The following PDE6B variants were observed in gnomAD, a reference collection of about 807,000 sequenced individuals.
PDE6B encodes the protein rod cGMP-specific 3',5'-cyclic phosphodiesterase subunit beta.
Under a neutral mutation model 109.0 loss-of-function variants are expected in PDE6B, and 106 were observed. The observed-to-expected ratio is 0.97, with a 90% CI of 0.83 to 1.14. The LOEUF (loss-of-function observed/expected upper bound fraction) is 1.14, where lower values mean the gene tolerates loss of function less well. Among genes scored for constraint, PDE6B ranks in the 50% most tolerant of loss-of-function variants. PDE6B has a pLI of 0.00. For synonymous variants in PDE6B, 490 were observed against 471.3 expected (o/e 1.04, Z -0.51); for missense variants, 1,193 against 1,155.6 (o/e 1.03, Z -0.47).
intron 3 of PDE6B, among the ~76,000 whole-genome samples, chr4:645,495 C>T (rs1033466655): frequency 6.6e-6 from 1 of 151,620 alleles, no homozygotes; most frequent in East Asian, 1.9e-4. Context: ...CGGGGTTTCA[C>T]CGTGTTAGCC....
In PDE6B at chr4:633,033, G is replaced by A. The variant is rs1034926890; in HGVS notation, c.469-1644G>A. 2.0e-5 allele frequency among the ~76,000 whole-genome samples: 3 copies of A among 152,128 alleles called. No homozygotes were observed. The highest frequency in any genetic ancestry group is 7.2e-5 in the African/African-American group (3 of 41,410). ...AATTCATCAGGGAGCACACATGGTG[G>A]CCACTGTAGCACTGACGGCTGGTGG... On this transcript the variant is annotated intron_variant, in intron 1 of 21. Transcript: ENST00000496514. This position sits in a 1 kb window ranked among gnomAD's most constrained non-coding sequence, Gnocchi z 4.5.
chr4:636,241 C>T lies in PDE6B; in HGVS notation c.711+272C>T, dbSNP rs1734673282. ...AAAGGGGCACCTTTCCTAGAGGCTG[C>T]CCCCAACCTCCTTGGGAGAAGCCAG... On this transcript the variant is annotated intron_variant, in intron 3 of 21. Coordinates refer to ENST00000496514, the MANE Select transcript of PDE6B (RefSeq NM_000283.4). This position sits in a 1 kb window ranked among gnomAD's most constrained non-coding sequence, Gnocchi z 4.5. Among the ~76,000 whole-genome samples the T allele has an allele frequency of 6.6e-6, 1 of 152,224 alleles. No homozygotes were observed. Among genetic ancestry groups the T allele is most frequent in the African/African-American group, 2.4e-5 (1 of 41,468 alleles).
At position 658,938 on chromosome 4, in the gene PDE6B, G is replaced by T. The variant is rs781181140; in HGVS notation, c.1402-14G>T. 6.2e-7 allele frequency: 1 copy of T among 1,603,070 alleles called. No homozygotes were observed. The highest frequency in any genetic ancestry group is 1.1e-5 in the South Asian group (1 of 90,922). On this transcript the variant is annotated splice_polypyrimidine_tract_variant and intron_variant, in intron 10 of 21. Transcript: ENST00000496514. Reference sequence around the variant, plus strand: ...CGAAGCTCTTTCTCGTGACACATCTGTGTCTCTGTGTAGCCAACCAGAGCG... The same window carrying T: ...CGAAGCTCTTTCTCGTGACACATCTTTGTCTCTGTGTAGCCAACCAGAGCG...
At position 633,369 on chromosome 4, in the gene PDE6B, A is replaced by G. The variant is rs1258570222; in HGVS notation, c.469-1308A>G. ...TCCTTCAATGCCAGCCCACATGGCTATGGGCAGCAGCTGTATCTCCAAGAA... is the reference window on the plus strand; with the variant it reads ...TCCTTCAATGCCAGCCCACATGGCTGTGGGCAGCAGCTGTATCTCCAAGAA... On this transcript the variant is annotated intron_variant, in intron 1 of 21. Transcript: ENST00000496514. The surrounding 1 kb of genome is among the most constrained non-coding windows in gnomAD (Gnocchi z 4.5). 6.6e-6 allele frequency among the ~76,000 whole-genome samples: 1 copy of G among 152,162 alleles called. No individual in the cohort carries two copies. The highest frequency in any genetic ancestry group is 2.4e-5 in the African/African-American group (1 of 41,448).
Position 664,185 on chromosome 4 carries a change from A to ACCTGT in PDE6B, c.2096_2100dup (p.Leu701CysfsTer14). ...CAGGACAAGAAGAGCTGGGTGGAGT[A>ACCTGT]CCTGTCCCTGGAGACGACCCGGAAG... On this transcript the variant is annotated frameshift_variant, in exon 17 of 22. Coordinates refer to ENST00000496514, the MANE Select transcript of PDE6B (RefSeq NM_000283.4). LOFTEE classifies it high-confidence loss of function. The ACCTGT allele has an allele frequency of 6.2e-7, 1 of 1,610,672 alleles. No homozygotes were observed. The highest frequency in any genetic ancestry group is 8.5e-7 in the Non-Finnish European group (1 of 1,177,268).
chr4:643,233 G>A (rs527470638), intron 3 of PDE6B, among the ~76,000 whole-genome samples: 5 of 152,126 alleles, frequency 3.3e-5, no homozygotes, highest in South Asian at 2.1e-4. Flanking sequence ...ACTTGAACCC[G>A]GGAAGTGGAG....
At chr4:668,712 T>G in intron 21 of PDE6B, among the ~76,000 whole-genome samples, 1 of 86,912 alleles carries the variant, frequency 1.2e-5, no homozygotes. Context: ...GCTATTCCCC[T>G]ACCCCATGCT....
Position 626,675 on chromosome 4 carries a change from T to C in PDE6B, c.468+581T>C, listed in dbSNP as rs1285842448. ...ACCTGGTAGCCACTGAGCACAGGGG[T>C]CCAGGGTGGGACTGGGGAGGGACAA... On this transcript the variant is annotated intron_variant, in intron 1 of 21. Transcript: ENST00000496514. This position sits in a 1 kb window ranked among gnomAD's most constrained non-coding sequence, Gnocchi z 4.6. Among the ~76,000 whole-genome samples the C allele has an allele frequency of 1.3e-5, 2 of 152,000 alleles. No homozygotes were observed. The highest frequency in any genetic ancestry group is 2.9e-5 in the Non-Finnish European group (2 of 67,992).
chr4:625,756 T>C lies in PDE6B; in HGVS notation c.130T>C (p.Cys44Arg). ...AACEDGCPPD[C>R]DSLRDLCQVE... ...CTGCGAGGACGGGTGCCCGCCGGACTGCGACAGCCTCCGGGACCTCTGCCA... is the reference window on the plus strand; with the variant it reads ...CTGCGAGGACGGGTGCCCGCCGGACCGCGACAGCCTCCGGGACCTCTGCCA... The change falls in exon 1 of 22, where the codon TGC (cysteine) becomes CGC (arginine). Residue 44 changes from cysteine to arginine, a missense_variant. Cys to Arg is a radical substitution (Grantham distance 180). Transcript: ENST00000496514. This position sits in a 1 kb window ranked among gnomAD's most constrained non-coding sequence, Gnocchi z 5.0. The C allele has an allele frequency of 1.9e-6, 3 of 1,613,446 alleles. No homozygotes were observed. Among genetic ancestry groups the C allele is most frequent in the Non-Finnish European group, 2.5e-6 (3 of 1,179,902 alleles).
intron 8 of PDE6B, 61 bp from the exon 9 acceptor site, chr4:656,803 TCTCCCCGGCC>T: frequency 6.8e-7 from 1 of 1,480,712 alleles, no homozygotes; most frequent in Admixed American, 1.7e-5. Context: ...ATGAGGTCAC[TCTCCCCGGCC>T]ACACGCCCGG....
intron 3 of PDE6B, among the ~76,000 whole-genome samples, chr4:641,772 A>T (rs1045487942): frequency 6.6e-6 from 1 of 152,080 alleles, no homozygotes; most frequent in African/African-American, 2.4e-5. Context: ...TCAGCCTCCC[A>T]AGTAGCTGAG....
chr4:667,956 T>C lies in PDE6B; in HGVS notation c.2453T>C (p.Val818Ala), dbSNP rs1381358159. 42 of 1,612,928 alleles carry C rather than the reference T, an allele frequency of 2.6e-5. No homozygotes were observed. The highest frequency in any genetic ancestry group is 3.6e-5 in the Non-Finnish European group (42 of 1,179,600). The change falls in exon 21 of 22, where the codon GTG (valine) becomes GCG (alanine). Residue 818 changes from valine to alanine, a missense_variant. Physicochemically the swap from Val to Ala is moderately conservative, Grantham distance 64 (BLOSUM62 0). Transcript: ENST00000496514. ...CTGGCTGATGAGTATGAGGCCAAAG[T>C]GAAGGCTCTGGAGGAGAAGGAGGAG... ...KALADEYEAK[V>A]KALEEKEEEE... is the part of the protein sequence containing the mutation.
chr4:668,090 A>C, intron 21 of PDE6B, 84 bp downstream of exon 21: 2 of 1,363,430 alleles, frequency 1.5e-6, no homozygotes, highest in South Asian at 2.4e-5. Context: ...AGCAGAGTTA[A>C]AATGGAGAAA....
At chr4:661,851 C>T in intron 12 of PDE6B, 1 of 486,126 alleles carries the variant, frequency 2.1e-6, no homozygotes, top group South Asian at 2.1e-5. Flanking sequence ...AGCTTGAGGC[C>T]AGGCAGTCGG....
At chr4:628,755 G>A (rs535281945) in intron 1 of PDE6B, among the ~76,000 whole-genome samples, 14 of 152,302 alleles carry the variant, frequency 9.2e-5, no homozygotes, top group African/African-American at 2.4e-4. Context: ...TCACACTCTC[G>A]GGCCTACAGG....
At chr4:646,551 T>C (rs1735209458) in intron 3 of PDE6B, among the ~76,000 whole-genome samples, 1 of 152,048 alleles carries the variant, frequency 6.6e-6, no homozygotes, top group Admixed American at 6.5e-5. Context: ...CCAACATGTC[T>C]TCTCCTTCGC....
chr4:654,015 A>AC (rs1355660261), intron 4 of PDE6B, 23 bp downstream of exon 4: 3 of 1,613,042 alleles, frequency 1.9e-6, no homozygotes. Flanking sequence ...TGGCTCAGGG[A>AC]CCCCCTGCCT....
chr4:659,972 C>T (rs138359886), intron 11 of PDE6B, among the ~76,000 whole-genome samples: 157 of 152,172 alleles, frequency 1.0e-3, no homozygotes, highest in Non-Finnish European at 1.8e-3. Context: ...TCTGAAAGTC[C>T]ACTGTTGTGT....
intron 3 of PDE6B, among the ~76,000 whole-genome samples, chr4:639,332 G>A (rs1734840127): frequency 6.6e-6 from 1 of 151,872 alleles, no homozygotes; most frequent in Non-Finnish European, 1.5e-5. Flanking sequence ...TTTAGAGACA[G>A]GGTCTTGCTG....
Sources: allele counts gnomAD v4.1 joint callset (sites outside exome capture counted in the v4.1 genomes callset), GRCh38; gene constraint gnomAD v4.1.1; non-coding constraint Gnocchi (gnomAD v3.1); transcripts MANE v1.5; gene names NCBI Gene and HGNC (gene_info 2026-07-23, HGNC 2026-07-21).